Variants in DNER observed in about 807,000 individuals in gnomAD.
The protein encoded by DNER is delta and Notch-like epidermal growth factor-related receptor.
DNER carries 33 observed loss-of-function variants against 78.2 expected under a neutral mutation model. The ratio of observed to expected loss-of-function variants is 0.42; its 90% CI spans 0.32 to 0.56. The LOEUF (loss-of-function observed/expected upper bound fraction) is 0.56. Among genes scored for constraint, DNER ranks in the 20% least tolerant of loss-of-function variants. The pLI is 0.11. For synonymous variants in DNER, 417 were observed against 384.8 expected (o/e 1.08, Z -0.98); for missense variants, 918 against 975.3 (o/e 0.94, Z 0.78).
At chr2:229,552,642 A>G (rs1478654648) in intron 4 of DNER, among the ~76,000 whole-genome samples, 1 of 152,066 alleles carries the variant, frequency 6.6e-6, no homozygotes, top group African/African-American at 2.4e-5. Context: ...CTTCCCTTCC[A>G]CTATGTTTGT....
At chr2:229,543,114 A>C (rs1415233013) in intron 5 of DNER, among the ~76,000 whole-genome samples, 1 of 152,154 alleles carries the variant, frequency 6.6e-6, no homozygotes. Context: ...GCTCTTCAAA[A>C]ACCTGCACGT....
At chr2:229,681,303 A>G (rs13392868) in intron 1 of DNER, among the ~76,000 whole-genome samples, 25,236 of 152,096 alleles carry the variant, frequency 0.17, 2,582 homozygotes, top group East Asian at 0.33. Flanking sequence ...GACCACCCCA[A>G]GGTTCTAACA....
intron 1 of DNER, among the ~76,000 whole-genome samples, chr2:229,614,635 T>C (rs544146589): frequency 6.6e-6 from 1 of 152,086 alleles, no homozygotes; most frequent in Non-Finnish European, 1.5e-5. Context: ...CTAGACAGGG[T>C]TGTCTTGAGG....
intron 1 of DNER, among the ~76,000 whole-genome samples, chr2:229,700,741 C>T (rs1321818131): frequency 2.0e-5 from 3 of 150,798 alleles, no homozygotes; most frequent in African/African-American, 4.9e-5. Flanking sequence ...GGTGAAACCC[C>T]ATCTCTACTA....
At chr2:229,410,385 G>A (rs572530710) in intron 9 of DNER, among the ~76,000 whole-genome samples, 65 of 152,300 alleles carry the variant, frequency 4.3e-4, no homozygotes, top group Non-Finnish European at 8.1e-4. Flanking sequence ...ACCTAACACC[G>A]GAATCCTATC....
chr2:229,431,373 C>T (rs569144686), intron 8 of DNER, among the ~76,000 whole-genome samples: 3 of 152,148 alleles, frequency 2.0e-5, no homozygotes, highest in African/African-American at 7.2e-5. Flanking sequence ...TAAACTTGTC[C>T]ATCATCTGGG....
intron 11 of DNER, among the ~76,000 whole-genome samples, chr2:229,387,027 G>T (rs187173953): frequency 1.3e-5 from 2 of 152,062 alleles, no homozygotes; most frequent in Non-Finnish European, 2.9e-5. Context: ...ACATGCACAC[G>T]TATGTTTATT....
At position 229,690,569 on chromosome 2, in the gene DNER, C is replaced by G. The variant is rs538015766; in HGVS notation, c.276+23579G>C. ...TGCTACACCGAATGCACCCAATCTCCCTTCCAGCTCCATCACTCTGGGACT... is the reference window on the plus strand; with the variant it reads ...TGCTACACCGAATGCACCCAATCTCGCTTCCAGCTCCATCACTCTGGGACT... On this transcript the variant is annotated intron_variant, in intron 1 of 12. Transcript: ENST00000341772. Among the ~76,000 whole-genome samples the G allele has an allele frequency of 1.7e-4, 26 of 152,258 alleles. No homozygotes were observed. The South Asian group carries it at 4.6e-3, about 27-fold the overall frequency.
At chr2:229,554,929 AGAGAAGAGAGAAAAGGG>A (rs1574900300) in intron 4 of DNER, among the ~76,000 whole-genome samples, 363 of 35,682 alleles carry the variant, frequency 0.01, no homozygotes, top group Non-Finnish European at 0.013. Context: ...AGAGAAGAGA[AGAGAAGAGAGAAAAGGG>A]AAGGGAAGGG....
chr2:229,503,536 C>T (rs1398882921), intron 6 of DNER, among the ~76,000 whole-genome samples: 1 of 152,176 alleles, frequency 6.6e-6, no homozygotes, highest in Non-Finnish European at 1.5e-5. Flanking sequence ...TCAATTATAA[C>T]AGATGCCTTA....
rs183262452 is a variant in DNER at position 229,591,154 on chromosome 2, T to A, written c.585+426A>T. On this transcript the variant is annotated intron_variant, in intron 2 of 12. Transcript: ENST00000341772. This position sits in a 1 kb window ranked among gnomAD's most constrained non-coding sequence, Gnocchi z 4.6. Reference sequence around the variant, plus strand: ...GCCTCATGTATTTCTTCATAACCACTCAAGAATGGACCAATACTGTGTGTT... The same window carrying A: ...GCCTCATGTATTTCTTCATAACCACACAAGAATGGACCAATACTGTGTGTT... 6.6e-6 allele frequency among the ~76,000 whole-genome samples: 1 copy of A among 152,282 alleles called. No homozygotes were observed. The highest frequency in any genetic ancestry group is 1.5e-5 in the Non-Finnish European group (1 of 68,026).
intron 4 of DNER, among the ~76,000 whole-genome samples, chr2:229,567,705 G>A (rs756418504): frequency 6.6e-6 from 1 of 152,136 alleles, no homozygotes; most frequent in Non-Finnish European, 1.5e-5. Context: ...CAATGCCACC[G>A]ATCCTGCTTT....
At chr2:229,449,999 C>T (rs1694422143) in intron 7 of DNER, among the ~76,000 whole-genome samples, 1 of 152,186 alleles carries the variant, frequency 6.6e-6, no homozygotes, top group Admixed American at 6.5e-5. Context: ...TCAGGCTGGT[C>T]TCGAACTCCT....
At chr2:229,451,259 C>T (rs1307341907) in intron 7 of DNER, among the ~76,000 whole-genome samples, 1 of 152,142 alleles carries the variant, frequency 6.6e-6, no homozygotes, top group Non-Finnish European at 1.5e-5. Flanking sequence ...GAGTCCAAGA[C>T]CAGCCTGGCC....
At chr2:229,603,068 G>A (rs1428095539) in intron 1 of DNER, among the ~76,000 whole-genome samples, 3 of 152,120 alleles carry the variant, frequency 2.0e-5, no homozygotes, top group African/African-American at 4.8e-5. Flanking sequence ...GGATCACACA[G>A]GGACACTTGA....
chr2:229,512,970 T>C (rs1489175436), intron 5 of DNER, 34 bp from the exon 6 acceptor site: 5 of 1,603,770 alleles, frequency 3.1e-6, no homozygotes, highest in Non-Finnish European at 4.3e-6. Context: ...GTCTATTACC[T>C]GGCACCTCTC....
At chr2:229,558,475 A>G (rs1206726969) in intron 4 of DNER, among the ~76,000 whole-genome samples, 3 of 152,218 alleles carry the variant, frequency 2.0e-5, no homozygotes. Flanking sequence ...TCATCATCTG[A>G]TTTTTATAAC....
At chr2:229,626,626 T>A (rs1425577704) in intron 1 of DNER, among the ~76,000 whole-genome samples, 1 of 152,232 alleles carries the variant, frequency 6.6e-6, no homozygotes, top group Non-Finnish European at 1.5e-5. Flanking sequence ...TCTGCCTGTT[T>A]GGGAAATAAT....
intron 7 of DNER, among the ~76,000 whole-genome samples, chr2:229,472,099 A>G (rs545360339): frequency 1.3e-5 from 2 of 152,354 alleles, no homozygotes; most frequent in East Asian, 3.9e-4. Flanking sequence ...TGGTTGTAAT[A>G]CTTGACTTCA....
Sources: allele counts gnomAD v4.1 joint callset (sites outside exome capture counted in the v4.1 genomes callset), GRCh38; gene constraint gnomAD v4.1.1; non-coding constraint Gnocchi (gnomAD v3.1); transcripts MANE v1.5; gene names NCBI Gene and HGNC (gene_info 2026-07-23, HGNC 2026-07-21).